Variants in MAST2 observed in about 807,000 individuals in gnomAD.
MAST2 encodes the protein microtubule-associated serine/threonine-protein kinase 2.
In MAST2, 70 loss-of-function variants were observed where a neutral mutation model predicts 147.4. The ratio of observed to expected loss-of-function variants is 0.47; its 90% CI spans 0.39 to 0.58. The LOEUF (loss-of-function observed/expected upper bound fraction) is 0.58, where lower values mean the gene tolerates loss of function less well. Among genes scored for constraint, MAST2 ranks in the 20% least tolerant of loss-of-function variants. The pLI is 0.00. For synonymous variants in MAST2, 869 were observed against 896.8 expected, an observed-to-expected ratio of 0.97 and a Z score of 0.55; for missense variants, 2,080 against 2,302.3, an observed-to-expected ratio of 0.90 and a Z score of 1.98.
At chr1:45,987,319 G>GT (rs1644665847) in intron 5 of MAST2, among the ~76,000 whole-genome samples, 2 of 151,798 alleles carry the variant, frequency 1.3e-5, no homozygotes, top group Admixed American at 1.3e-4. Flanking sequence ...TCTTTGTTGG[G>GT]TTTTTTGGTT....
In MAST2 at chr1:45,865,312, A is replaced by C. The variant is rs80335279; in HGVS notation, c.469-17052A>C. On this transcript the variant is annotated intron_variant, in intron 3 of 28. Transcript: ENST00000361297. ...TAGTTATAATTAGAGAACTTATCTA[A>C]AATCTTGCTATTTTGATAGAAAAAT... Among the ~76,000 whole-genome samples the C allele has an allele frequency of 3.0e-3, 451 of 152,288 alleles. 3 individuals are homozygous for C. Among genetic ancestry groups the C allele is most frequent in the East Asian group, 0.021 (109 of 5,190 alleles).
In MAST2 at chr1:45,849,671, C is replaced by T. The variant is rs572161865; in HGVS notation, c.468+20090C>T. On this transcript the variant is annotated intron_variant, in intron 3 of 28. Transcript: ENST00000361297. Reference sequence around the variant, plus strand: ...CCTCTGGAGTAGCTGGGACTACAGGCGCCCGCCACCACACCCAGCTAATTT... The same window carrying T: ...CCTCTGGAGTAGCTGGGACTACAGGTGCCCGCCACCACACCCAGCTAATTT... 1.1e-4 allele frequency among the ~76,000 whole-genome samples: 17 copies of T among 152,188 alleles called. 1 individual carries two copies. In the South Asian group the frequency reaches 2.5e-3, roughly 22 times the overall value.
intron 4 of MAST2, among the ~76,000 whole-genome samples, chr1:45,925,841 C>T (rs1045319206): frequency 2.0e-5 from 3 of 152,220 alleles, no homozygotes; most frequent in African/African-American, 7.2e-5. Context: ...AGTTCACTCT[C>T]AAAGCTTTCA....
chr1:45,858,954 G>C (rs1047359704), intron 3 of MAST2, among the ~76,000 whole-genome samples: 11 of 152,130 alleles, frequency 7.2e-5, no homozygotes, highest in Non-Finnish European at 1.5e-4. Flanking sequence ...GCTCTGTTCT[G>C]TTCCATTGGT....
intron 9 of MAST2, among the ~76,000 whole-genome samples, chr1:46,009,386 T>A (rs961610574): frequency 6.6e-6 from 1 of 152,186 alleles, no homozygotes; most frequent in South Asian, 2.1e-4. Flanking sequence ...CAACACCACA[T>A]GCCTGTACGC....
In MAST2 at chr1:46,010,818, G is replaced by A. The variant is rs1557471935; in HGVS notation, c.1067G>A (p.Ser356Asn). ...CTGCCCTTGGCAGATGGAGCCCTGAGCTTTATTCATCATCAGGTGATTGAG... is the reference window on the plus strand; with the variant it reads ...CTGCCCTTGGCAGATGGAGCCCTGAACTTTATTCATCATCAGGTGATTGAG... ...SVLPLADGAL[S>N]FIHHQVIEMA... The change falls in exon 10 of 29, where the codon AGC becomes AAC. Residue 356 changes from serine to asparagine, a missense_variant. Ser to Asn is a conservative substitution (Grantham distance 46). Coordinates refer to ENST00000361297, the MANE Select transcript of MAST2 (RefSeq NM_015112.3). 1 of 1,614,200 alleles carries A rather than the reference G, an allele frequency of 6.2e-7. No homozygotes were observed. Among genetic ancestry groups the A allele is most frequent in the Non-Finnish European group, 8.5e-7 (1 of 1,180,032 alleles).
chr1:45,882,447 CT>C (rs1646894155), intron 4 of MAST2, 52 bp downstream of exon 4: 1 of 1,362,658 alleles, frequency 7.3e-7, no homozygotes, highest in Non-Finnish European at 1.0e-6. Context: ...TTAGGAACCC[CT>C]CTTGGGAACA....
chr1:45,830,522 C>G (rs1188089421), intron 3 of MAST2, among the ~76,000 whole-genome samples: 1 of 152,044 alleles, frequency 6.6e-6, no homozygotes, highest in Non-Finnish European at 1.5e-5. Context: ...GTCACTGGTA[C>G]TAATTGTATA....
intron 5 of MAST2, among the ~76,000 whole-genome samples, chr1:45,969,232 G>A (rs1209644265): frequency 4.6e-5 from 7 of 152,050 alleles, no homozygotes; most frequent in Admixed American, 3.9e-4. Context: ...TTGCTTTTTA[G>A]TGAGCTTTGT....
intron 1 of MAST2, among the ~76,000 whole-genome samples, chr1:45,812,352 A>G (rs569637575): frequency 2.8e-4 from 42 of 150,768 alleles, no homozygotes; most frequent in Admixed American, 5.9e-4. Flanking sequence ...TGATGAGGGT[A>G]GGACACATGT....
intron 4 of MAST2, among the ~76,000 whole-genome samples, chr1:45,943,622 G>A (rs1385862195): frequency 1.3e-5 from 2 of 152,158 alleles, no homozygotes; most frequent in African/African-American, 2.4e-5. Context: ...ACGCGTGCCT[G>A]TAATCCCGGC....
chr1:45,857,986 C>G (rs534144565), intron 3 of MAST2, among the ~76,000 whole-genome samples: 21 of 151,352 alleles, frequency 1.4e-4, no homozygotes, highest in Admixed American at 2.6e-4. Flanking sequence ...TGTATATGTG[C>G]CACGTTTTCT....
intron 1 of MAST2, among the ~76,000 whole-genome samples, chr1:45,806,636 G>A (rs192062486): frequency 1.3e-3 from 195 of 152,112 alleles, no homozygotes; most frequent in Non-Finnish European, 2.7e-3. Context: ...GGAGTGCAGC[G>A]GCACATTCTC....
intron 5 of MAST2, among the ~76,000 whole-genome samples, chr1:45,997,065 G>A (rs1463543229): frequency 4.6e-5 from 7 of 152,184 alleles, no homozygotes. Context: ...TTAGGTTTAA[G>A]AACCATTGGG....
chr1:45,873,680 A>T (rs1570472685), intron 3 of MAST2, among the ~76,000 whole-genome samples: 1 of 152,372 alleles, frequency 6.6e-6, no homozygotes, highest in East Asian at 1.9e-4. Context: ...GGAAGTAAGT[A>T]GCAGAATTGC....
intron 5 of MAST2, among the ~76,000 whole-genome samples, chr1:45,972,418 G>T (rs1356094554): frequency 6.6e-6 from 1 of 152,214 alleles, no homozygotes; most frequent in African/African-American, 2.4e-5. Context: ...TAAGGAAGAA[G>T]AATCTGTGGC....
intron 4 of MAST2, among the ~76,000 whole-genome samples, chr1:45,907,272 AT>A (rs1391367822): frequency 2.0e-5 from 3 of 152,078 alleles, no homozygotes; most frequent in Non-Finnish European, 4.4e-5. Flanking sequence ...GTGAGTTTTT[AT>A]AGTTAGTACT....
At chr1:45,918,248 A>T (rs749428726) in intron 4 of MAST2, among the ~76,000 whole-genome samples, 4 of 152,256 alleles carry the variant, frequency 2.6e-5, no homozygotes, top group Non-Finnish European at 4.4e-5. Context: ...GAAGGAAGTC[A>T]TAGAGCCTGA....
chr1:45,950,111 A>G (rs550813276), intron 4 of MAST2, among the ~76,000 whole-genome samples: 10 of 152,282 alleles, frequency 6.6e-5, no homozygotes, highest in African/African-American at 1.9e-4. Context: ...AAAAGTAACT[A>G]TTGGGTGCTA....
Sources: allele counts gnomAD v4.1 joint callset (sites outside exome capture counted in the v4.1 genomes callset), GRCh38; gene constraint gnomAD v4.1.1; transcripts MANE v1.5; gene names NCBI Gene and HGNC (gene_info 2026-07-23, HGNC 2026-07-21).